Variants in SRGAP3 observed in about 807,000 individuals in gnomAD.
SRGAP3 encodes the protein SLIT-ROBO Rho GTPase-activating protein 3.
Under a neutral mutation model 121.1 loss-of-function variants are expected in SRGAP3, and 39 were observed. The observed-to-expected ratio is 0.32, with a 90% CI of 0.25 to 0.42. The LOEUF is 0.42. SRGAP3 is among the 10% of genes least tolerant of loss of function. The probability of loss-of-function intolerance (pLI) is 1.00; values close to 1 mark genes in which losing one functional copy is unlikely to be tolerated. For synonymous variants in SRGAP3, 601 were observed against 570.0 expected (o/e 1.05, Z -0.77); for missense variants, 1,213 against 1,470.6 (o/e 0.82, Z 2.86).
intron 3 of SRGAP3, among the ~76,000 whole-genome samples, chr3:9,323,342 A>C (rs571010202): frequency 6.6e-6 from 1 of 152,054 alleles, no homozygotes; most frequent in South Asian, 2.1e-4. Flanking sequence ...TTCAAAATAA[A>C]AGGAAGACTT....
intron 1 of SRGAP3, among the ~76,000 whole-genome samples, chr3:9,146,411 C>T (rs1041364195): frequency 6.6e-6 from 1 of 151,984 alleles, no homozygotes; most frequent in Non-Finnish European, 1.5e-5. Context: ...ACTTTATAGC[C>T]CCAAGCGAAA....
intron 1 of SRGAP3, among the ~76,000 whole-genome samples, chr3:9,248,300 C>T (rs1293483545): frequency 1.3e-5 from 2 of 152,184 alleles, no homozygotes; most frequent in Non-Finnish European, 2.9e-5. Flanking sequence ...CTGCATTAGT[C>T]TGGATCAATA....
intron 3 of SRGAP3, among the ~76,000 whole-genome samples, chr3:9,099,227 A>G (rs966375050): frequency 6.6e-6 from 1 of 152,210 alleles, no homozygotes; most frequent in Non-Finnish European, 1.5e-5. Flanking sequence ...GTTGCCACAC[A>G]GTGAATGGCT....
intron 1 of SRGAP3, among the ~76,000 whole-genome samples, chr3:9,354,310 GC>G (rs1477121447): frequency 6.6e-6 from 1 of 152,206 alleles, no homozygotes; most frequent in Admixed American, 6.5e-5. Flanking sequence ...GCCTCTCTCT[GC>G]AGGAGAGGAA....
chr3:8,996,211 C>T (rs1942391912), intron 18 of SRGAP3, among the ~76,000 whole-genome samples: 1 of 152,234 alleles, frequency 6.6e-6, no homozygotes, highest in African/African-American at 2.4e-5. Flanking sequence ...GTGTCTGGCA[C>T]ATAGTACCCT....
At chr3:9,013,712 A>C (rs763669446) in intron 16 of SRGAP3, 25 bp downstream of exon 16, 6 of 1,612,518 alleles carry the variant, frequency 3.7e-6, no homozygotes, top group Non-Finnish European at 5.1e-6. Context: ...TGAGTCAAAA[A>C]GGGGCCCCTT....
At chr3:9,048,977 C>T (rs1945423221) in intron 9 of SRGAP3, among the ~76,000 whole-genome samples, 1 of 152,088 alleles carries the variant, frequency 6.6e-6, no homozygotes, top group African/African-American at 2.4e-5. Context: ...GCAAGGGGTA[C>T]AGTAATTGCA....
intron 1 of SRGAP3, among the ~76,000 whole-genome samples, chr3:9,133,053 G>T (rs2664115): frequency 0.75 from 111,960 of 148,448 alleles, 42,584 homozygotes; most frequent in African/African-American, 0.85. Context: ...ATATTATATA[G>T]ATCTATATAT....
At chr3:9,205,123 G>A (rs542718913) in intron 1 of SRGAP3, among the ~76,000 whole-genome samples, 32 of 152,270 alleles carry the variant, frequency 2.1e-4, no homozygotes, top group African/African-American at 6.3e-4. Flanking sequence ...TCGAAAATGC[G>A]CAGTGAACAC....
At chr3:9,064,266 C>T (rs1946314804) in intron 5 of SRGAP3, 130 bp downstream of exon 5, 2 of 1,239,664 alleles carry the variant, frequency 1.6e-6, no homozygotes, top group African/African-American at 1.5e-5. Flanking sequence ...ATTGTCCCAT[C>T]CCCCCTACCC....
chr3:9,221,326 T>C (rs1433558227), intron 1 of SRGAP3, among the ~76,000 whole-genome samples: 3 of 152,196 alleles, frequency 2.0e-5, no homozygotes, highest in Non-Finnish European at 4.4e-5. Context: ...AGGCCAGGTA[T>C]TTGAGACCAA....
chr3:9,206,575 C>A (rs78170813), intron 1 of SRGAP3, among the ~76,000 whole-genome samples: 2,949 of 152,268 alleles, frequency 0.019, 76 homozygotes, highest in African/African-American at 0.064. Flanking sequence ...GCTCCTGCCA[C>A]AGCAGCCTCC....
rs147585956 is a variant in SRGAP3, at chr3:9,163,709, A to G, written c.68-38792T>C. 1.7e-3 allele frequency among the ~76,000 whole-genome samples: 254 copies of G among 152,296 alleles called. 1 individual carries two copies. The highest frequency in any genetic ancestry group is 5.8e-3 in the African/African-American group (240 of 41,564). On this transcript the variant is annotated intron_variant, in intron 1 of 21. Transcript: ENST00000383836. Reference sequence around the variant, plus strand: ...TCTGCTCCATACTCCTAGCTGCAACAGGTTGTAGAAATAAGGCCTCTGCAC... The same window carrying G: ...TCTGCTCCATACTCCTAGCTGCAACGGGTTGTAGAAATAAGGCCTCTGCAC...
rs755825300 is a variant in SRGAP3 at position 9,032,720 on chromosome 3, A to T, written c.1469T>A (p.Met490Lys). The change falls in exon 12 of 22, where the codon ATG (methionine) becomes AAG (lysine). Residue 490 changes from methionine (M) to lysine (K), a missense_variant. Physicochemically the swap from Met to Lys is moderately conservative, Grantham distance 95 (BLOSUM62 -1). Coordinates refer to ENST00000383836, the MANE Select transcript of SRGAP3 (RefSeq NM_014850.4). ...PPCLPPKPQK[M>K]RRPRPLSVYS... ...CACTGAGAGAGGCCTAGGTCTCCTC[A>T]TTTTCTGTGGTTTAGGGGGAAGACA... The T allele has an allele frequency of 1.2e-6, 2 of 1,613,418 alleles. No individual in the cohort carries two copies. Among genetic ancestry groups the T allele is most frequent in the South Asian group, 2.2e-5 (2 of 91,026 alleles).
At chr3:9,061,812 C>T (rs1269283794) in intron 5 of SRGAP3, among the ~76,000 whole-genome samples, 2 of 152,156 alleles carry the variant, frequency 1.3e-5, no homozygotes, top group Non-Finnish European at 2.9e-5. Context: ...CCCAATTGCC[C>T]CCCAGGGAGC....
At chr3:9,148,615 A>G (rs572109922) in intron 1 of SRGAP3, among the ~76,000 whole-genome samples, 22 of 152,272 alleles carry the variant, frequency 1.4e-4, no homozygotes, top group Non-Finnish European at 3.1e-4. Context: ...TCCATTATTT[A>G]TTTGACCCCA....
intron 1 of SRGAP3, among the ~76,000 whole-genome samples, chr3:9,215,920 G>A (rs1450357225): frequency 1.3e-5 from 2 of 152,218 alleles, no homozygotes; most frequent in African/African-American, 4.8e-5. Context: ...TCTCCAGCTT[G>A]TAGATGGCCT....
At chr3:9,051,017 C>CTTTT (rs71049766) in intron 9 of SRGAP3, among the ~76,000 whole-genome samples, 2 of 81,858 alleles carry the variant, frequency 2.4e-5, no homozygotes, top group African/African-American at 4.2e-5. Context: ...AGCCTCATTG[C>CTTTT]TTTTTTTTTT....
rs749586127 is a variant in SRGAP3, at chr3:9,069,674, C to T, written c.487-5093G>A. 1.4e-4 allele frequency among the ~76,000 whole-genome samples: 21 copies of T among 152,170 alleles called. 1 individual carries two copies. Among genetic ancestry groups the T allele is most frequent in the South Asian group, 6.2e-4 (3 of 4,826 alleles). ...TCAAAAGTAGCAAGAGCGGGCTGGG[C>T]GCGGTGGCTCATGCCTGTAATCCCA... On this transcript the variant is annotated intron_variant, in intron 4 of 21. Transcript: ENST00000383836.
Sources: allele counts gnomAD v4.1 joint callset (sites outside exome capture counted in the v4.1 genomes callset), GRCh38; gene constraint gnomAD v4.1.1; transcripts MANE v1.5; gene names NCBI Gene and HGNC (gene_info 2026-07-23, HGNC 2026-07-21).